Variants in IL33 observed in about 807,000 individuals in gnomAD.
IL33 encodes the protein interleukin 33.
Under a neutral mutation model 27.3 loss-of-function variants are expected in IL33, and 37 were observed. The ratio of observed to expected loss-of-function variants is 1.36; its 90% CI spans 1.04 to 1.78. The LOEUF is 1.78. Ranked by LOEUF, IL33 falls within the 40% of genes most tolerant of loss-of-function variation. The pLI, the probability that IL33 is intolerant of heterozygous loss-of-function variation, is 0.00. For synonymous variants in IL33, 132 were observed against 102.9 expected, an observed-to-expected ratio of 1.28 and a Z score of -1.71; for missense variants, 406 against 311.4, an observed-to-expected ratio of 1.30 and a Z score of -2.29.
At chr9:6,246,574 T>TA (rs775676165) in intron 2 of IL33, among the ~76,000 whole-genome samples, 9 of 150,130 alleles carry the variant, frequency 6.0e-5, no homozygotes, top group Non-Finnish European at 8.9e-5. Context: ...AAAATAAAAA[T>TA]AAAAAAAAAG....
At chr9:6,254,292 A>G (rs1210921934) in intron 6 of IL33, among the ~76,000 whole-genome samples, 170 bp from the exon 7 acceptor site, 3 of 152,188 alleles carry the variant, frequency 2.0e-5, no homozygotes, top group Admixed American at 6.6e-5. Context: ...AGTACCCTCT[A>G]CTTATCAGTG....
intron 7 of IL33, among the ~76,000 whole-genome samples, chr9:6,255,218 C>T (rs1816655550): frequency 6.6e-6 from 1 of 151,984 alleles, no homozygotes; most frequent in African/African-American, 2.4e-5. Flanking sequence ...TGGAAGAAAA[C>T]AGAAGAGAGC....
upstream of IL33, chr9:6,215,638 G>C (rs1033299668): frequency 1.4e-4 from 21 of 152,160 alleles, no homozygotes; most frequent in African/African-American, 5.1e-4. Context: ...ATGGAGGGAG[G>C]ACGCAGAAAG....
At chr9:6,230,292 T>G (rs983972626) in intron 1 of IL33, among the ~76,000 whole-genome samples, 8 of 152,166 alleles carry the variant, frequency 5.3e-5, no homozygotes, top group African/African-American at 1.9e-4. Context: ...ATTGATCTAC[T>G]AGGTATCTTT....
intron 2 of IL33, among the ~76,000 whole-genome samples, chr9:6,243,857 T>A (rs890824905): frequency 1.3e-5 from 2 of 152,214 alleles, no homozygotes; most frequent in African/African-American, 2.4e-5. Flanking sequence ...ATCATTTCTG[T>A]CTCATTCTGT....
intron 1 of IL33, among the ~76,000 whole-genome samples, chr9:6,223,950 G>A (rs1818520119): frequency 6.6e-6 from 1 of 152,122 alleles, no homozygotes; most frequent in Non-Finnish European, 1.5e-5. Context: ...ACCCAGCTCT[G>A]AGCATCAGAT....
chr9:6,226,033 G>T (rs754902295), intron 1 of IL33, among the ~76,000 whole-genome samples: 3 of 151,738 alleles, frequency 2.0e-5, no homozygotes, highest in Non-Finnish European at 4.4e-5. Flanking sequence ...TTAGAGACAA[G>T]CTCTTGCTCT....
intron 4 of IL33, 150 bp downstream of exon 4, chr9:6,251,415 T>C: frequency 1.8e-6 from 2 of 1,134,952 alleles, no homozygotes; most frequent in Non-Finnish European, 1.2e-6. Flanking sequence ...ACCCATCTAA[T>C]AGTATCCAAA....
chr9:6,244,607 C>T (rs1819716768), intron 2 of IL33, among the ~76,000 whole-genome samples: 1 of 152,084 alleles, frequency 6.6e-6, no homozygotes, highest in Non-Finnish European at 1.5e-5. Flanking sequence ...TAACTGAAAT[C>T]ATGGAAAGTA....
chr9:6,225,116 T>C (rs1481059977), intron 1 of IL33, among the ~76,000 whole-genome samples: 1 of 152,178 alleles, frequency 6.6e-6, no homozygotes, highest in Non-Finnish European at 1.5e-5. Context: ...TTTCTCACAC[T>C]ACCCTCACAC....
Position 6,252,076 on chromosome 9 carries a change from A to AAT in IL33, c.344-789_344-788insTA, listed in dbSNP as rs1816418083. On this transcript the variant is annotated intron_variant, in intron 4 of 7. Coordinates refer to ENST00000682010, the MANE Select transcript of IL33 (RefSeq NM_033439.4). ...ACAAACAAAAAAAAACCCAACAAAA[A>AAT]ACAAAACAAAACAAAAAAACCAACT... is the stretch of plus-strand genomic sequence containing the variant. 1.5e-5 allele frequency among the ~76,000 whole-genome samples: 2 copies of AAT among 133,722 alleles called. 1 individual carries two copies. Among genetic ancestry groups the AAT allele is most frequent in the Non-Finnish European group, 3.2e-5 (2 of 63,452 alleles). 87.7% of individuals were successfully genotyped at this position (133,722 alleles called of 152,430 possible). A position where few individuals can be genotyped will look rare whatever the true frequency, so the allele number is the denominator to read the frequency against.
intron 1 of IL33, among the ~76,000 whole-genome samples, chr9:6,221,694 G>A (rs781174411): frequency 1.3e-5 from 2 of 152,160 alleles, no homozygotes; most frequent in African/African-American, 2.4e-5. Context: ...TACTATCTAG[G>A]TGGAACCATG....
At chr9:6,219,646 G>A (rs984676503) in intron 1 of IL33, among the ~76,000 whole-genome samples, 1 of 152,068 alleles carries the variant, frequency 6.6e-6, no homozygotes, top group African/African-American at 2.4e-5. Context: ...TGTGTAAAAT[G>A]TGAAACAAAC....
chr9:6,250,504 C>A lies in IL33; in HGVS notation c.122C>A (p.Pro41His). 1 of 1,613,776 alleles carries A rather than the reference C, an allele frequency of 6.2e-7. No individual in the cohort carries two copies. Among genetic ancestry groups the A allele is most frequent in the Non-Finnish European group, 8.5e-7 (1 of 1,179,842 alleles). The change falls in exon 3 of 8, where the codon CCC becomes CAC. Residue 41 changes from proline to histidine, a missense_variant. By Grantham distance (77) the Pro-to-His change is moderately conservative (BLOSUM62 -2). Coordinates refer to ENST00000682010, the MANE Select transcript of IL33 (RefSeq NM_033439.4). ...KSQQKAKEVC[P>H]MYFMKLRSGL... ...CAACAGAAGGCCAAAGAAGTTTGCC[C>A]CATGTACTTTATGAAGCTCCGCTCT...
At chr9:6,220,809 A>G (rs1353999708) in intron 1 of IL33, among the ~76,000 whole-genome samples, 2 of 152,134 alleles carry the variant, frequency 1.3e-5, no homozygotes, top group Non-Finnish European at 2.9e-5. Flanking sequence ...GCTGGAGAGC[A>G]GTAGCTCGAT....
At chr9:6,247,521 T>A (rs780002760) in intron 2 of IL33, among the ~76,000 whole-genome samples, 29 of 152,202 alleles carry the variant, frequency 1.9e-4, no homozygotes, top group Non-Finnish European at 4.1e-4. Flanking sequence ...CCTTCCTATT[T>A]ACTCACAAGA....
chr9:6,250,748 A>C lies in IL33; in HGVS notation c.217+149A>C, dbSNP rs1816303633. 4 of 901,440 alleles carry C rather than the reference A, an allele frequency of 4.4e-6. No homozygotes were observed. In the Admixed American group the frequency reaches 9.1e-5, roughly 21 times the overall value. 55.8% of individuals were successfully genotyped at this position (901,440 alleles called of 1,614,324 possible). On this transcript the variant is annotated intron_variant, in intron 3 of 7. Transcript: ENST00000682010. The stretch of plus-strand genomic sequence containing the variant: ...TGAACTGGTTTTTAGCTATTTTTAA[A>C]AGGGCATATAAAGAATTTTCAATAG...
At position 6,257,594 on chromosome 9, in the gene IL33, A is replaced by G. The variant is rs1029489076; in HGVS notation, c.*1426A>G. The G allele has an allele frequency of 1.3e-5, 2 of 152,642 alleles. No individual in the cohort carries two copies. Among genetic ancestry groups the G allele is most frequent in the Admixed American group, 1.3e-4 (2 of 15,274 alleles). 9.5% of individuals were successfully genotyped at this position (152,642 alleles called of 1,614,324 possible). On this transcript the variant is annotated 3_prime_UTR_variant, in exon 8 of 8. Transcript: ENST00000682010. ...TTAAAGTCTTAGCAATTTCTATTAC[A>G]ACTTTTCTTAGACTTAACACTTATG...
chr9:6,253,012 A>G, intron 5 of IL33, 21 bp downstream of exon 5: 2 of 1,394,982 alleles, frequency 1.4e-6, no homozygotes, highest in Non-Finnish European at 2.0e-6. Context: ...TTCTTTTTCT[A>G]TAATAATGTA....
Sources: gnomAD v4.1 joint callset for allele counts (sites outside exome capture counted in the v4.1 genomes callset) on GRCh38, gnomAD v4.1.1 for gene constraint, MANE v1.5 for transcripts, NCBI Gene and HGNC (gene_info 2026-07-23, HGNC 2026-07-21) for gene names.